Variants in NTRK2 observed in about 807,000 individuals in gnomAD.
The protein encoded by NTRK2 is neurotrophic receptor tyrosine kinase 2.
In NTRK2, 13 loss-of-function variants were observed where a neutral mutation model predicts 94.5. The observed-to-expected ratio is 0.14, with a 90% CI of 0.09 to 0.22. The LOEUF (loss-of-function observed/expected upper bound fraction) is 0.22. Ranked by LOEUF, NTRK2 falls within the 10% of genes least tolerant of loss-of-function variation. The pLI, the probability that NTRK2 is intolerant of heterozygous loss-of-function variation, is 1.00. For missense variants in NTRK2, 639 were observed against 1,071.2 expected, an observed-to-expected ratio of 0.60 and a Z score of 5.63; for synonymous variants, 372 against 407.4, an observed-to-expected ratio of 0.91 and a Z score of 1.05.
At chr9:84,684,078 T>A (rs755113232) in intron 2 of NTRK2, among the ~76,000 whole-genome samples, 1 of 152,178 alleles carries the variant, frequency 6.6e-6, no homozygotes, top group Non-Finnish European at 1.5e-5. Flanking sequence ...AAGTTCCTTG[T>A]AGATTCTGGA....
chr9:84,799,085 T>C (rs1322449285), intron 12 of NTRK2, among the ~76,000 whole-genome samples: 1 of 152,074 alleles, frequency 6.6e-6, no homozygotes, highest in African/African-American at 2.4e-5. Context: ...ACCACTCTTC[T>C]TTCTGCCTCT....
intron 2 of NTRK2, among the ~76,000 whole-genome samples, chr9:84,678,118 T>C (rs1364773353): frequency 6.6e-6 from 1 of 152,240 alleles, no homozygotes; most frequent in Non-Finnish European, 1.5e-5. Flanking sequence ...TGTATAAAAC[T>C]CTGCCATGTG....
chr9:84,702,081 G>C (rs2060765572), intron 2 of NTRK2, 78 bp from the exon 3 acceptor site: 2 of 1,321,640 alleles, frequency 1.5e-6, no homozygotes, highest in South Asian at 2.4e-5. Context: ...GGACACCTGG[G>C]TGAGGTGGAT....
At chr9:84,763,412 G>T (rs2065764689) in intron 12 of NTRK2, among the ~76,000 whole-genome samples, 1 of 151,656 alleles carries the variant, frequency 6.6e-6, no homozygotes, top group Admixed American at 6.6e-5. Context: ...GATTTTTTCT[G>T]ATTTCATCTT....
chr9:84,743,172 G>A (rs1055522566), intron 10 of NTRK2, among the ~76,000 whole-genome samples: 15 of 152,060 alleles, frequency 9.9e-5, no homozygotes, highest in African/African-American at 3.4e-4. Flanking sequence ...TGTTTTCCTA[G>A]GTGTGAAAAC....
intron 14 of NTRK2, among the ~76,000 whole-genome samples, chr9:84,921,626 A>G (rs2077569465): frequency 6.6e-6 from 1 of 152,194 alleles, no homozygotes; most frequent in Non-Finnish European, 1.5e-5. Flanking sequence ...TTATATTCTT[A>G]TAAGAGCTAT....
chr9:84,769,571 C>T (rs2066336015), intron 12 of NTRK2, among the ~76,000 whole-genome samples: 1 of 152,158 alleles, frequency 6.6e-6, no homozygotes, highest in South Asian at 2.1e-4. Flanking sequence ...CCAGAAATCT[C>T]AGAGTGGTGT....
At chr9:84,814,858 C>G in intron 12 of NTRK2, 6 of 1,063,274 alleles carry the variant, frequency 5.6e-6, no homozygotes, top group Non-Finnish European at 6.8e-6. Flanking sequence ...AGTTGCGCAG[C>G]TTAGCTGACT....
chr9:84,911,679 TTTTA>T (rs1353439221), intron 14 of NTRK2, among the ~76,000 whole-genome samples: 2 of 152,128 alleles, frequency 1.3e-5, no homozygotes, highest in Non-Finnish European at 1.5e-5. Context: ...AGTTTGTCAA[TTTTA>T]TTTATTTATT....
chr9:84,978,880 A>G (rs1273181223), intron 17 of NTRK2, among the ~76,000 whole-genome samples: 2 of 152,344 alleles, frequency 1.3e-5, no homozygotes, highest in East Asian at 1.9e-4. Context: ...TACTCTGCCC[A>G]TGCTCTATAA....
chr9:84,808,839 T>C (rs953168258), intron 12 of NTRK2, among the ~76,000 whole-genome samples: 9 of 152,226 alleles, frequency 5.9e-5, no homozygotes, highest in Non-Finnish European at 1.3e-4. Flanking sequence ...TTGTAAATGA[T>C]GACACAGATT....
At chr9:84,922,988 T>C (rs1052682197) in intron 14 of NTRK2, among the ~76,000 whole-genome samples, 6 of 152,252 alleles carry the variant, frequency 3.9e-5, no homozygotes, top group African/African-American at 1.4e-4. Flanking sequence ...TTAACTGATC[T>C]GAAAACCATC....
At chr9:84,803,989 C>T (rs916247350) in intron 12 of NTRK2, among the ~76,000 whole-genome samples, 6 of 152,112 alleles carry the variant, frequency 3.9e-5, no homozygotes, top group African/African-American at 9.7e-5. Context: ...GCAGAGACAT[C>T]GGCCACACAT....
At chr9:84,891,966 AG>A (rs1426160415) in intron 14 of NTRK2, among the ~76,000 whole-genome samples, 1 of 152,156 alleles carries the variant, frequency 6.6e-6, no homozygotes, top group Non-Finnish European at 1.5e-5. Context: ...TATGATATCA[AG>A]ATGGATATAG....
intron 4 of NTRK2, among the ~76,000 whole-genome samples, chr9:84,705,840 A>T (rs1445373867): frequency 1.5e-5 from 2 of 130,340 alleles, no homozygotes; most frequent in African/African-American, 6.0e-5. Flanking sequence ...CCCAGGCTGG[A>T]GTGCAATGGC....
intron 12 of NTRK2, among the ~76,000 whole-genome samples, chr9:84,759,560 A>G (rs1221676448): frequency 6.6e-6 from 1 of 152,252 alleles, no homozygotes; most frequent in Non-Finnish European, 1.5e-5. Flanking sequence ...TATTTTCACT[A>G]AAGGTGAAAG....
intron 12 of NTRK2, among the ~76,000 whole-genome samples, chr9:84,846,928 T>C (rs2074502888): frequency 6.6e-6 from 1 of 152,210 alleles, no homozygotes; most frequent in African/African-American, 2.4e-5. Flanking sequence ...AGAAGGCTAA[T>C]TAATGCATTC....
At chr9:84,687,078 GT>G (rs1164356141) in intron 2 of NTRK2, among the ~76,000 whole-genome samples, 3 of 152,030 alleles carry the variant, frequency 2.0e-5, no homozygotes, top group Non-Finnish European at 4.4e-5. Flanking sequence ...TATTTGACGG[GT>G]TTTTTTCCTT....
chr9:84,837,455 A>G (rs760444480), intron 12 of NTRK2, among the ~76,000 whole-genome samples: 8 of 152,190 alleles, frequency 5.3e-5, no homozygotes, highest in Admixed American at 1.3e-4. Flanking sequence ...TGAGAATAAT[A>G]AGTTCTATGT....
Sources: gnomAD v4.1 joint callset for allele counts (sites outside exome capture counted in the v4.1 genomes callset) on GRCh38, gnomAD v4.1.1 for gene constraint, MANE v1.5 for transcripts, NCBI Gene and HGNC (gene_info 2026-07-23, HGNC 2026-07-21) for gene names.